PTPN3: variants seen among roughly 807,000 people sequenced by gnomAD.
PTPN3 encodes tyrosine-protein phosphatase non-receptor type 3.
Under a neutral mutation model 132.7 loss-of-function variants are expected in PTPN3, and 96 were observed. The observed-to-expected ratio is 0.72, with a 90% CI of 0.61 to 0.86. The LOEUF (loss-of-function observed/expected upper bound fraction) is 0.86, where lower values mean the gene tolerates loss of function less well. Ranked by LOEUF, PTPN3 falls within the 40% of genes least tolerant of loss-of-function variation. PTPN3 has a pLI of 0.00. For synonymous variants in PTPN3, 398 were observed against 429.0 expected (o/e 0.93, Z 0.89); for missense variants, 1,125 against 1,159.6 (o/e 0.97, Z 0.43).
chr9:109,389,487 A>C (rs1254397015), intron 21 of PTPN3, 108 bp from the exon 22 acceptor site: 3 of 1,161,054 alleles, frequency 2.6e-6, no homozygotes, highest in East Asian at 2.5e-5. Flanking sequence ...CAGAAAAATT[A>C]TCTCTTTATC....
chr9:109,391,642 T>C (rs1420179084), intron 19 of PTPN3, 81 bp from the exon 20 acceptor site: 25 of 1,137,706 alleles, frequency 2.2e-5, no homozygotes, highest in Non-Finnish European at 3.0e-5. Context: ...TCATTCACAG[T>C]ACCAAAATCT....
chr9:109,474,843 A>G (rs1347887773), intron 1 of PTPN3, among the ~76,000 whole-genome samples: 1 of 152,156 alleles, frequency 6.6e-6, no homozygotes, highest in Non-Finnish European at 1.5e-5. Flanking sequence ...CCTCAGCTTC[A>G]TCACTTACTG....
At chr9:109,492,087 T>C (rs1369000943) in intron 1 of PTPN3, among the ~76,000 whole-genome samples, 6 of 152,172 alleles carry the variant, frequency 3.9e-5, no homozygotes, top group African/African-American at 9.7e-5. Flanking sequence ...TGAATGCATT[T>C]GATAACCAGA....
chr9:109,473,545 G>C (rs896794963), intron 1 of PTPN3, among the ~76,000 whole-genome samples: 1 of 152,190 alleles, frequency 6.6e-6, no homozygotes, highest in African/African-American at 2.4e-5. Flanking sequence ...GAATGCTGCG[G>C]GAGCCGCGGG....
chr9:109,501,170 C>G (rs1847860035), upstream of PTPN3, among the ~76,000 whole-genome samples: 1 of 152,162 alleles, frequency 6.6e-6, no homozygotes, highest in African/African-American at 2.4e-5. Flanking sequence ...CTGCTATTAT[C>G]AAGCTCAAGT....
chr9:109,410,419 C>T lies in PTPN3; in HGVS notation c.1314-4G>A. 6.2e-7 allele frequency: 1 copy of T among 1,613,622 alleles called. No homozygotes were observed. Among genetic ancestry groups the T allele is most frequent in the Non-Finnish European group, 8.5e-7 (1 of 1,179,604 alleles). On this transcript the variant is annotated splice_region_variant and splice_polypyrimidine_tract_variant and intron_variant, in intron 14 of 25. Coordinates refer to ENST00000374541, the MANE Select transcript of PTPN3 (RefSeq NM_002829.4). ...CGGATTGTTCTCGGATAAACTCCTT[C>T]ATCATGGGGAAGGAGGAGATATTAA...
At chr9:109,448,406 G>C (rs748589101) in intron 6 of PTPN3, among the ~76,000 whole-genome samples, 1 of 152,122 alleles carries the variant, frequency 6.6e-6, no homozygotes, top group Non-Finnish European at 1.5e-5. Context: ...TGAATCACAG[G>C]CAAATGAGCA....
At chr9:109,483,570 C>T (rs764304030) in intron 1 of PTPN3, among the ~76,000 whole-genome samples, 44 of 152,102 alleles carry the variant, frequency 2.9e-4, no homozygotes, top group Non-Finnish European at 5.6e-4. Context: ...GCTCAGCCTC[C>T]GGCAGAAAGC....
intron 1 of PTPN3, among the ~76,000 whole-genome samples, chr9:109,469,537 C>T (rs908443017): frequency 5.3e-5 from 8 of 152,014 alleles, no homozygotes; most frequent in Admixed American, 4.6e-4. Context: ...GAAAATCGCT[C>T]GAACCCGGGA....
intron 13 of PTPN3, among the ~76,000 whole-genome samples, chr9:109,421,432 CT>C (rs962748351): frequency 6.6e-6 from 1 of 152,216 alleles, no homozygotes; most frequent in Non-Finnish European, 1.5e-5. Flanking sequence ...TGCAATCCCC[CT>C]GGGCCTGGAT....
At chr9:109,493,442 T>C (rs1490461613) in intron 1 of PTPN3, among the ~76,000 whole-genome samples, 1 of 152,056 alleles carries the variant, frequency 6.6e-6, no homozygotes, top group Non-Finnish European at 1.5e-5. Context: ...GTAAAAAAAA[T>C]TCACTTCACT....
At chr9:109,399,801 C>T (rs1467160938) in intron 19 of PTPN3, among the ~76,000 whole-genome samples, 1 of 152,078 alleles carries the variant, frequency 6.6e-6, no homozygotes, top group African/African-American at 2.4e-5. Context: ...GGGGAATAGC[C>T]CCTTCCTCTT....
rs754564007 is a variant in PTPN3, at chr9:109,420,504, AT to A, written c.1232del (p.Asp411ValfsTer40). ...GAGAGCCCTTGTACGTGTAAAATAC[AT>A]CTTCCGTTTCCGTGATGTAGGTCAT... ...NEMTYITETEDVFYTYKGSLA... is the reference protein window; with the variant it reads ...NEMTYITETEXVFYTYKGSLA... On this transcript the variant is annotated frameshift_variant, in exon 14 of 26. Transcript: ENST00000374541. LOFTEE classifies it high-confidence loss of function. The A allele has an allele frequency of 1.2e-6, 2 of 1,613,534 alleles. No individual in the cohort carries two copies. The highest frequency in any genetic ancestry group is 3.3e-5 in the Admixed American group (2 of 60,006).
Position 109,391,871 on chromosome 9 carries a change from G to GGC in PTPN3, c.1954-311_1954-310insGC, listed in dbSNP as rs1554777558. 3.0e-4 allele frequency among the ~76,000 whole-genome samples: 5 copies of GGC among 16,458 alleles called. 1 individual carries two copies. Among genetic ancestry groups the GGC allele is most frequent in the African/African-American group, 1.0e-3 (5 of 4,762 alleles). The allele number at this position is 16,458 out of a possible 152,430, so 10.8% of individuals were successfully genotyped here. ...ACAAGAGCTAAAAGCAACTAGATGT[G>GGC]GGGGGGGGGGGGAAGAATTCTGGCT... On this transcript the variant is annotated intron_variant, in intron 19 of 25. Coordinates refer to ENST00000374541, the MANE Select transcript of PTPN3 (RefSeq NM_002829.4).
rs772651505 is a variant in PTPN3, at chr9:109,410,294, C to A, written c.1435G>T (p.Asp479Tyr). ...CCTTTGGTCACCCTGTGGAAGTCAT[C>A]TAAGAGCTGCTGATCAACGCCGTCA... is the stretch of plus-strand genomic sequence containing the variant. ...SPDGVDQQLL[D>Y]DFHRVTKGGS... The change falls in exon 15 of 26, where the codon GAT becomes TAT. Residue 479 changes from aspartate (D) to tyrosine (Y), a missense_variant. Physicochemically the swap from Asp to Tyr is radical, Grantham distance 160. Coordinates refer to ENST00000374541, the MANE Select transcript of PTPN3 (RefSeq NM_002829.4). The A allele has an allele frequency of 6.2e-7, 1 of 1,614,190 alleles. No homozygotes were observed.
the PTPN3 span, among the ~76,000 whole-genome samples, chr9:109,516,074 T>C: frequency 8.5e-5 from 13 of 152,208 alleles, no homozygotes; most frequent in Non-Finnish European, 1.8e-4. Context: ...AAACCAGATG[T>C]CACTCCTGTC....
upstream of PTPN3, among the ~76,000 whole-genome samples, chr9:109,498,503 T>C (rs991483174): frequency 3.3e-5 from 5 of 152,146 alleles, no homozygotes; most frequent in African/African-American, 1.2e-4. The surrounding 1 kb of genome is among the most constrained non-coding windows in gnomAD (Gnocchi z 4.2). Flanking sequence ...CTGAGTTCCC[T>C]CGCGCATGCA....
the PTPN3 span, among the ~76,000 whole-genome samples, chr9:109,521,069 G>A: frequency 1.3e-5 from 2 of 152,136 alleles, no homozygotes; most frequent in Non-Finnish European, 2.9e-5. Context: ...TCAAGTGTAT[G>A]GAATGTAGAG....
intron 2 of PTPN3, among the ~76,000 whole-genome samples, chr9:109,461,153 G>C (rs1845826976): frequency 6.6e-6 from 1 of 152,124 alleles, no homozygotes; most frequent in Admixed American, 6.6e-5. Context: ...ACAAGACAAG[G>C]TTCTGTAGAA....
Sources: allele counts gnomAD v4.1 joint callset (sites outside exome capture counted in the v4.1 genomes callset), GRCh38; gene constraint gnomAD v4.1.1; non-coding constraint Gnocchi (gnomAD v3.1); transcripts MANE v1.5; gene names NCBI Gene and HGNC (gene_info 2026-07-23, HGNC 2026-07-21).